Variants in KANTR observed in about 807,000 individuals in gnomAD.
KANTR encodes KANTR integral membrane protein, also known as KDM5C adjacent transcript.
downstream of KANTR, chrX:53,142,825 T>A: frequency 2.0e-6 from 1 of 489,145 alleles, no homozygotes; most frequent in East Asian, 3.7e-5. Context: ...GCAGTCCATT[T>A]AGAGGCATTT....
chrX:53,112,443 A>C (rs1374178863), intron 2 of KANTR, among the ~76,000 whole-genome samples: 2 of 111,991 alleles, frequency 1.8e-5, no homozygotes, highest in Admixed American at 9.5e-5. Context: ...ATGCGTGTGC[A>C]AGTGTCTTTT....
chrX:53,136,693 C>CATATATATCTATATATATATAT (rs1933426389), intron 2 of KANTR, among the ~76,000 whole-genome samples: 1 of 9,300 alleles, frequency 1.1e-4, no homozygotes, highest in Non-Finnish European at 3.7e-4. Flanking sequence ...CCACGCCCGG[C>CATATATATCTATATATATATAT]ATATATATAT....
Position 53,137,879 on chromosome X carries a change from C to T in KANTR, n.204-3969C>T, listed in dbSNP as rs782626042. Among the ~76,000 whole-genome samples, 8 of 110,152 alleles carry T rather than the reference C, an allele frequency of 7.3e-5. No homozygotes were observed. In the East Asian group the frequency reaches 2.0e-3, roughly 27 times the overall value. On this transcript the variant is annotated intron_variant and non_coding_transcript_variant, in intron 2 of 2. Transcript: ENST00000366185. ...TTTTGTTTTGACAGAGTTTCGCCAC[C>T]GTGCCTGGCCTATATCTTGGTTTTT...
At chrX:53,143,828 C>T, downstream of KANTR, 1 of 486,111 alleles carries the variant, frequency 2.1e-6, no homozygotes. Context: ...GGGAACACAG[C>T]TCAGGGGCCA....
downstream of KANTR, chrX:53,143,975 C>T (rs1556818917): frequency 1.5e-5 from 4 of 269,396 alleles, no homozygotes; most frequent in East Asian, 8.0e-5. Flanking sequence ...GGGCTGGTGG[C>T]AGCAAGTGAC....
chrX:53,139,756 T>C (rs1015353655), intron 2 of KANTR, among the ~76,000 whole-genome samples: 1 of 111,179 alleles, frequency 9.0e-6, no homozygotes, highest in Non-Finnish European at 1.9e-5. Flanking sequence ...AGCCCAGTAG[T>C]TTGAGGTTAC....
At chrX:53,111,264 C>T (rs1276985355) in intron 2 of KANTR, among the ~76,000 whole-genome samples, 2 of 109,774 alleles carry the variant, frequency 1.8e-5, no homozygotes, top group African/African-American at 6.6e-5. Context: ...TCAAGCAGTC[C>T]TCCTGCCTCG....
At chrX:53,140,719 G>A (rs782080239) in intron 2 of KANTR, among the ~76,000 whole-genome samples, 1 of 111,122 alleles carries the variant, frequency 9.0e-6, no homozygotes, top group African/African-American at 3.3e-5. Context: ...TCTCATTAAA[G>A]TAGAGATTCC....
chrX:53,143,466 C>T, downstream of KANTR: 1 of 590,373 alleles, frequency 1.7e-6, no homozygotes, highest in Admixed American at 2.3e-5. Context: ...ATGACAGTGC[C>T]AGTGATGCGC....
chrX:53,095,286 C>A (rs1405587185), intron 1 of KANTR, among the ~76,000 whole-genome samples: 1 of 111,898 alleles, frequency 8.9e-6, no homozygotes, highest in Non-Finnish European at 1.9e-5. Flanking sequence ...CCCTGGACAT[C>A]CTATTTTCTA....
intron 2 of KANTR, among the ~76,000 whole-genome samples, chrX:53,116,626 A>C (rs1233193183): frequency 9.0e-6 from 1 of 111,550 alleles, no homozygotes; most frequent in Non-Finnish European, 1.9e-5. Context: ...CACAAGTGAA[A>C]TGTCGTAGAC....
At chrX:53,124,176 A>G (rs1933263932) in exon 3 of KANTR, 1 of 293,225 alleles carries the variant, frequency 3.4e-6, no homozygotes, top group Non-Finnish European at 5.9e-6. Context: ...TTTTGGTAAG[A>G]TAACAGTTTT....
chrX:53,109,758 CTT>C (rs34763193), intron 2 of KANTR, among the ~76,000 whole-genome samples: 1 of 96,499 alleles, frequency 1.0e-5, no homozygotes. Flanking sequence ...TTTTTTCTTT[CTT>C]TTTTTTTTTT....
intron 2 of KANTR, among the ~76,000 whole-genome samples, chrX:53,121,809 C>T (rs1214654167): frequency 9.0e-6 from 1 of 111,486 alleles, no homozygotes; most frequent in Admixed American, 9.6e-5. Flanking sequence ...CAGATCATAT[C>T]AGAGGTACCT....
At chrX:53,099,270 G>A (rs1214506638) in intron 1 of KANTR, among the ~76,000 whole-genome samples, 5 of 111,320 alleles carry the variant, frequency 4.5e-5, no homozygotes, top group Non-Finnish European at 9.4e-5. Context: ...CTATTCAGGA[G>A]ACTGAGGCAG....
chrX:53,143,740 G>A, downstream of KANTR: 6 of 598,692 alleles, frequency 1.0e-5, no homozygotes, highest in Non-Finnish European at 1.7e-5. Context: ...CTTGCTCTGG[G>A]CCTCATGGCC....
chrX:53,110,345 T>C (rs1296215432), intron 2 of KANTR, among the ~76,000 whole-genome samples: 1 of 111,495 alleles, frequency 9.0e-6, no homozygotes, highest in East Asian at 2.8e-4. Flanking sequence ...TTTTTGAGTT[T>C]TTATCATGAA....
At chrX:53,115,031 G>GT (rs782237424) in intron 2 of KANTR, among the ~76,000 whole-genome samples, 10 of 111,837 alleles carry the variant, frequency 8.9e-5, no homozygotes, top group Non-Finnish European at 1.9e-4. Flanking sequence ...CCCTGGGTCT[G>GT]TTGGAGCATG....
chrX:53,124,100 A>G, exon 3 of KANTR: 1 of 282,350 alleles, frequency 3.5e-6, no homozygotes, highest in Non-Finnish European at 6.2e-6. Context: ...GAAGAGTTTT[A>G]ACTACTGCTG....
Sources: allele counts gnomAD v4.1 joint callset (sites outside exome capture counted in the v4.1 genomes callset), GRCh38; gene constraint gnomAD v4.1.1; transcripts MANE v1.5; gene names NCBI Gene and HGNC (gene_info 2026-07-23, HGNC 2026-07-21).